NEK11: variants seen among roughly 807,000 people sequenced by gnomAD.
The protein encoded by NEK11 is NIMA related kinase 11.
NEK11 carries 72 observed loss-of-function variants against 80.7 expected under a neutral mutation model. The observed-to-expected ratio is 0.89, with a 90% CI of 0.74 to 1.08. NEK11 has a LOEUF of 1.08. Ranked by LOEUF, NEK11 falls within the 50% of genes least tolerant of loss-of-function variation. NEK11 has a pLI of 0.00. For synonymous variants in NEK11, 251 were observed against 260.7 expected (o/e 0.96, Z 0.36); for missense variants, 764 against 763.6 (o/e 1.00, Z -0.01).
At chr3:131,173,718 T>TA (rs2092831000) in intron 14 of NEK11, among the ~76,000 whole-genome samples, 2 of 152,080 alleles carry the variant, frequency 1.3e-5, no homozygotes, top group South Asian at 4.2e-4. Flanking sequence ...TGTGAACTGT[T>TA]ATAGCCAAAT....
chr3:131,309,650 G>A (rs1006086608), intron 17 of NEK11, among the ~76,000 whole-genome samples: 1 of 151,510 alleles, frequency 6.6e-6, no homozygotes, highest in Non-Finnish European at 1.5e-5. Flanking sequence ...GTGGAAGAAT[G>A]GATGTTGAGT....
intron 14 of NEK11, among the ~76,000 whole-genome samples, chr3:131,187,368 A>G (rs1386001318): frequency 6.6e-6 from 1 of 152,182 alleles, no homozygotes; most frequent in Non-Finnish European, 1.5e-5. Flanking sequence ...AAAGCTCCAC[A>G]GGTGATTCTG....
Position 131,332,089 on chromosome 3 carries a change from G to A in NEK11, c.1719-17468G>A, listed in dbSNP as rs943129992. Among the ~76,000 whole-genome samples the A allele has an allele frequency of 3.9e-5, 6 of 152,256 alleles. No individual in the cohort carries two copies. In the East Asian group the frequency reaches 1.2e-3, roughly 29 times the overall value. ...AACCTCTGCAGAATTAAACGTCCCG[G>A]TCTGACAGCTTTGAAGAGAGCAGTG... On this transcript the variant is annotated intron_variant, in intron 17 of 17. Transcript: ENST00000383366.
chr3:131,326,104 A>G (rs1401412093), intron 17 of NEK11: 1 of 151,852 alleles, frequency 6.6e-6, no homozygotes, highest in African/African-American at 2.4e-5. Flanking sequence ...CTAATCTACA[A>G]CTCTCAGTAG....
chr3:131,330,111 T>C (rs73870843), intron 17 of NEK11: 1 of 152,234 alleles, frequency 6.6e-6, no homozygotes, highest in African/African-American at 2.4e-5. Flanking sequence ...ATTTTAAAAA[T>C]GGAGCTGATA....
chr3:131,227,633 T>A (rs908398518), intron 14 of NEK11, among the ~76,000 whole-genome samples: 1 of 152,146 alleles, frequency 6.6e-6, no homozygotes, highest in Admixed American at 6.6e-5. Flanking sequence ...AATTTTAATT[T>A]TAAGTCTGAG....
chr3:131,131,387 T>G (rs2084448577), intron 5 of NEK11, among the ~76,000 whole-genome samples: 1 of 152,188 alleles, frequency 6.6e-6, no homozygotes, highest in Admixed American at 6.5e-5. Flanking sequence ...TAATTATTGA[T>G]TGAATGTATT....
At chr3:131,307,169 C>A (rs537718873) in intron 17 of NEK11, among the ~76,000 whole-genome samples, 1 of 152,276 alleles carries the variant, frequency 6.6e-6, no homozygotes, top group East Asian at 1.9e-4. Context: ...TCCTGTACCT[C>A]CTATTTTGGG....
At position 131,350,403 on chromosome 3, in the gene NEK11, G is replaced by C. The variant is rs1277190953; in HGVS notation, c.*627G>C. 1 of 152,082 alleles carries C rather than the reference G, an allele frequency of 6.6e-6. No homozygotes were observed. The highest frequency in any genetic ancestry group is 2.4e-5 in the African/African-American group (1 of 41,414). 9.4% of individuals were successfully genotyped at this position (152,082 alleles called of 1,614,324 possible). ...CTCATCCATAGATAATTCAAGATTT[G>C]TATTCAAAATAAACATAGTTTTCAC... On this transcript the variant is annotated 3_prime_UTR_variant, in exon 18 of 18. Transcript: ENST00000383366.
At chr3:131,300,445 A>G (rs946203420) in intron 17 of NEK11, among the ~76,000 whole-genome samples, 17 of 152,250 alleles carry the variant, frequency 1.1e-4, no homozygotes, top group African/African-American at 3.9e-4. Flanking sequence ...TCATCATTAA[A>G]TCTTTGCCAA....
chr3:131,202,539 A>G (rs1029953032), intron 14 of NEK11, among the ~76,000 whole-genome samples: 42 of 152,214 alleles, frequency 2.8e-4, no homozygotes, highest in African/African-American at 8.9e-4. Context: ...CATCTAAGAC[A>G]CCAAAAGCAA....
intron 7 of NEK11, among the ~76,000 whole-genome samples, chr3:131,138,435 T>A (rs2086105985): frequency 6.6e-6 from 1 of 152,168 alleles, no homozygotes; most frequent in Non-Finnish European, 1.5e-5. Flanking sequence ...TTAACTCTAG[T>A]CCCTGGCTCT....
intron 14 of NEK11, among the ~76,000 whole-genome samples, chr3:131,175,866 G>A (rs1050097965): frequency 8.5e-5 from 13 of 152,310 alleles, no homozygotes; most frequent in Middle Eastern, 3.4e-3. Context: ...CAAGAACGAT[G>A]TGAGTGAAGT....
At chr3:131,099,998 G>A (rs1239083803) in intron 4 of NEK11, among the ~76,000 whole-genome samples, 1 of 152,126 alleles carries the variant, frequency 6.6e-6, no homozygotes, top group Non-Finnish European at 1.5e-5. Context: ...GTAGTATGTT[G>A]AATGGGAGTG....
chr3:131,052,998 T>C (rs1292556152), intron 3 of NEK11, among the ~76,000 whole-genome samples: 1 of 152,168 alleles, frequency 6.6e-6, no homozygotes, highest in Non-Finnish European at 1.5e-5. Flanking sequence ...GTTTGACTAC[T>C]GAACTCCTCT....
intron 17 of NEK11, among the ~76,000 whole-genome samples, chr3:131,324,888 A>G (rs999492710): frequency 3.9e-5 from 6 of 152,216 alleles, no homozygotes; most frequent in Admixed American, 3.3e-4. Flanking sequence ...AGGGATTTAA[A>G]AAAATTCTGT....
At chr3:131,218,090 CCTGA>C (rs1348203342) in intron 14 of NEK11, among the ~76,000 whole-genome samples, 2 of 152,152 alleles carry the variant, frequency 1.3e-5, no homozygotes, top group East Asian at 1.9e-4. Flanking sequence ...TTTGCTGGCA[CCTGA>C]CTATTTTTCT....
chr3:131,165,561 T>C, intron 12 of NEK11, 42 bp downstream of exon 12: 2 of 1,273,562 alleles, frequency 1.6e-6, no homozygotes, highest in Non-Finnish European at 2.3e-6. Context: ...AAAATTTTTC[T>C]TGCTTTAGAT....
At chr3:131,146,814 C>T (rs982097961) in intron 7 of NEK11, among the ~76,000 whole-genome samples, 4 of 151,968 alleles carry the variant, frequency 2.6e-5, no homozygotes, top group African/African-American at 4.8e-5. Flanking sequence ...AAATGTTGAG[C>T]GTCTTCTCAT....
Sources: allele counts gnomAD v4.1 joint callset (sites outside exome capture counted in the v4.1 genomes callset), GRCh38; gene constraint gnomAD v4.1.1; transcripts MANE v1.5; gene names NCBI Gene and HGNC (gene_info 2026-07-23, HGNC 2026-07-21).